Variants in CADPS2 observed in about 807,000 individuals in gnomAD.
The protein encoded by CADPS2 is calcium dependent secretion activator 2, also known as calcium-dependent secretion activator 2.
Under a neutral mutation model 172.5 loss-of-function variants are expected in CADPS2, and 93 were observed. That is an observed-to-expected ratio of 0.54 (90% CI 0.46 to 0.64). CADPS2 has a LOEUF of 0.64. Among genes scored for constraint, CADPS2 ranks in the 30% least tolerant of loss-of-function variants. The pLI is 0.00. For missense variants in CADPS2, 1,420 were observed against 1,565.9 expected, an observed-to-expected ratio of 0.91 and a Z score of 1.57; for synonymous variants, 546 against 555.2, an observed-to-expected ratio of 0.98 and a Z score of 0.23.
chr7:122,490,013 T>G, intron 11 of CADPS2, 68 bp downstream of exon 11: 1 of 1,325,578 alleles, frequency 7.5e-7, no homozygotes, highest in Non-Finnish European at 1.1e-6. Context: ...ACTGAATACA[T>G]TTGCCTCAAT....
At chr7:122,498,205 T>C (rs1322449797) in intron 9 of CADPS2, among the ~76,000 whole-genome samples, 1 of 152,120 alleles carries the variant, frequency 6.6e-6, no homozygotes, top group Admixed American at 6.6e-5. Context: ...ACCTTGGCCT[T>C]GCAAAGTGCT....
intron 1 of CADPS2, among the ~76,000 whole-genome samples, chr7:122,877,619 TAA>T (rs1376014651): frequency 6.6e-6 from 1 of 152,060 alleles, no homozygotes; most frequent in Non-Finnish European, 1.5e-5. Context: ...AATAAAAATA[TAA>T]AATATAAAAA....
In CADPS2 at chr7:122,335,965, G is replaced by A. The variant is rs914306364; in HGVS notation, c.3612+9609C>T. Among the ~76,000 whole-genome samples the A allele has an allele frequency of 2.4e-4, 36 of 152,240 alleles. 1 individual carries two copies. The highest frequency in any genetic ancestry group is 1.0e-3 in the South Asian group (5 of 4,816). On this transcript the variant is annotated intron_variant, in intron 28 of 29. Transcript: ENST00000449022. ...AGCATGAAGAATGTAGGTGAGGTAC[G>A]GGTGAGAACTATTTTTTCCCCTCCA...
chr7:122,726,321 G>A (rs776240804), intron 2 of CADPS2, among the ~76,000 whole-genome samples: 9 of 152,002 alleles, frequency 5.9e-5, no homozygotes, highest in Non-Finnish European at 1.0e-4. Context: ...AGTGTACTAG[G>A]AAACAGACGA....
intron 6 of CADPS2, among the ~76,000 whole-genome samples, chr7:122,602,587 G>C (rs1218537071): frequency 6.6e-6 from 1 of 152,006 alleles, no homozygotes. Flanking sequence ...CCTAGGCAGA[G>C]AAAGATCAGG....
chr7:122,550,457 T>A (rs1485627686), intron 8 of CADPS2, among the ~76,000 whole-genome samples: 3 of 152,188 alleles, frequency 2.0e-5, no homozygotes, highest in Non-Finnish European at 4.4e-5. Context: ...AAACTCTATT[T>A]TTACTATAAA....
chr7:122,621,076 T>C (rs1264041921), intron 5 of CADPS2, among the ~76,000 whole-genome samples: 1 of 152,008 alleles, frequency 6.6e-6, no homozygotes, highest in East Asian at 1.9e-4. Flanking sequence ...TGGATAATTT[T>C]TTTTTTTTAG....
intron 25 of CADPS2, among the ~76,000 whole-genome samples, chr7:122,362,852 A>G (rs2040355568): frequency 6.6e-6 from 1 of 152,190 alleles, no homozygotes; most frequent in Non-Finnish European, 1.5e-5. Context: ...AATTACTACA[A>G]AATAGTTTAT....
At chr7:122,348,322 G>T (rs915006046) in intron 27 of CADPS2, among the ~76,000 whole-genome samples, 19 of 152,112 alleles carry the variant, frequency 1.2e-4, no homozygotes, top group African/African-American at 1.7e-4. Flanking sequence ...CACTGTCCAG[G>T]AAGAGTTTAT....
rs1326505764 is a variant in CADPS2 at position 122,754,377 on chromosome 7, A to G, written c.340-17309T>C. 2.6e-5 allele frequency among the ~76,000 whole-genome samples: 4 copies of G among 152,228 alleles called. No homozygotes were observed. The East Asian group carries it at 7.7e-4, about 29-fold the overall frequency. ...ATAAGTTAGAAAAATGTTTGCTTCT[A>G]AGGTAAATAATCAATGAAATTTAAT... On this transcript the variant is annotated intron_variant, in intron 1 of 29. Transcript: ENST00000449022.
At chr7:122,616,047 A>G (rs1463042642) in intron 5 of CADPS2, among the ~76,000 whole-genome samples, 4 of 152,082 alleles carry the variant, frequency 2.6e-5, no homozygotes, top group Admixed American at 6.6e-5. Context: ...TGTTTGTCGA[A>G]GAGGCTGCCA....
At chr7:122,420,042 G>A (rs1585846073) in intron 17 of CADPS2, among the ~76,000 whole-genome samples, 1 of 152,132 alleles carries the variant, frequency 6.6e-6, no homozygotes, top group African/African-American at 2.4e-5. Flanking sequence ...GAGTCTTGGA[G>A]AGGTTGAAGG....
At chr7:122,722,831 G>T (rs1346236037) in intron 2 of CADPS2, among the ~76,000 whole-genome samples, 1 of 151,552 alleles carries the variant, frequency 6.6e-6, no homozygotes, top group South Asian at 2.1e-4. Flanking sequence ...CCAAAACAGA[G>T]ATATAGATCA....
Position 122,886,135 on chromosome 7 carries a change from C to G in CADPS2, c.203G>C (p.Arg68Pro). ...GTCCAGCTGCCGCTGGGGCTCGTCT[C>G]GCCCCTCGCTGAGCACAGAGGGGCT... is the stretch of plus-strand genomic sequence containing the variant. ...SPSPSVLSEG[R>P]DEPQRQLDDE... is the part of the protein sequence containing the mutation. The change falls in exon 1 of 30, where the codon CGA becomes CCA. Residue 68 changes from arginine (R) to proline (P), a missense_variant. Transcript: ENST00000449022. 2 of 1,554,146 alleles carry G rather than the reference C, an allele frequency of 1.3e-6. No individual in the cohort carries two copies. The highest frequency in any genetic ancestry group is 1.7e-6 in the Non-Finnish European group (2 of 1,149,666).
intron 3 of CADPS2, among the ~76,000 whole-genome samples, chr7:122,651,707 G>A (rs1226631121): frequency 6.6e-6 from 1 of 152,032 alleles, no homozygotes; most frequent in Admixed American, 6.6e-5. Context: ...TGGGTGAGTC[G>A]CTTTCTTCAG....
Position 122,621,729 on chromosome 7 carries a change from T to C in CADPS2, c.868-12A>G. On this transcript the variant is annotated splice_polypyrimidine_tract_variant and intron_variant, in intron 4 of 29. Coordinates refer to ENST00000449022, the MANE Select transcript of CADPS2 (RefSeq NM_017954.11). ...GGGAATTTTCTTTCCTTGAAAATAA[T>C]TTTTAAAATAATAGTGTTACATAAG... is the stretch of plus-strand genomic sequence containing the variant. 2 of 1,456,158 alleles carry C rather than the reference T, an allele frequency of 1.4e-6. No individual in the cohort carries two copies. The highest frequency in any genetic ancestry group is 1.9e-6 in the Non-Finnish European group (2 of 1,055,526). The allele number at this position is 1,456,158 out of a possible 1,614,324, so 90.2% of individuals were successfully genotyped here. A position where few individuals can be genotyped will look rare whatever the true frequency, so the allele number is the denominator to read the frequency against.
At chr7:122,527,617 A>AGTGTGTGTGT (rs59653845) in intron 8 of CADPS2, among the ~76,000 whole-genome samples, 227 of 83,824 alleles carry the variant, frequency 2.7e-3, no homozygotes, top group Non-Finnish European at 3.4e-3. Context: ...AGAGAGAGAG[A>AGTGTGTGTGT]GTGTGTGTGT....
chr7:122,693,484 A>G (rs1243683649), intron 2 of CADPS2, among the ~76,000 whole-genome samples: 1 of 152,236 alleles, frequency 6.6e-6, no homozygotes, highest in Non-Finnish European at 1.5e-5. Context: ...GTCCTCTGGC[A>G]GTGGTTCTCA....
chr7:122,445,420 T>C (rs2052024117), intron 15 of CADPS2, among the ~76,000 whole-genome samples: 2 of 152,144 alleles, frequency 1.3e-5, no homozygotes, highest in Admixed American at 1.3e-4. Context: ...ACATCTTTCA[T>C]CAGGTTGATC....
Sources: allele counts gnomAD v4.1 joint callset (sites outside exome capture counted in the v4.1 genomes callset), GRCh38; gene constraint gnomAD v4.1.1; transcripts MANE v1.5; gene names NCBI Gene and HGNC (gene_info 2026-07-23, HGNC 2026-07-21).